Variants in OSCP1 observed in about 807,000 individuals in gnomAD.
OSCP1 encodes the protein protein OSCP1.
OSCP1 carries 35 observed loss-of-function variants against 45.1 expected under a neutral mutation model. The observed-to-expected ratio is 0.78, with a 90% CI of 0.59 to 1.03. The LOEUF is 1.03. Ranked by LOEUF, OSCP1 falls within the 50% of genes least tolerant of loss-of-function variation. The pLI is 0.00. For missense variants in OSCP1, 400 were observed against 470.7 expected, an observed-to-expected ratio of 0.85 and a Z score of 1.39; for synonymous variants, 179 against 180.1, an observed-to-expected ratio of 0.99 and a Z score of 0.05.
chr1:36,446,082 G>A (rs1649512805), intron 1 of OSCP1, among the ~76,000 whole-genome samples: 1 of 151,866 alleles, frequency 6.6e-6, no homozygotes, highest in South Asian at 2.1e-4. Flanking sequence ...GAGTGCAGTG[G>A]CGTGATCTCA....
chr1:36,447,115 G>A lies in OSCP1; in HGVS notation c.112+3143C>T, dbSNP rs1194473220. On this transcript the variant is annotated intron_variant, in intron 1 of 9. Transcript: ENST00000235532. The surrounding 1 kb of genome is among the most constrained non-coding windows in gnomAD (Gnocchi z 4.1). The stretch of plus-strand genomic sequence containing the variant: ...TATGATTTCCACTCAAAGCTTCGAA[G>A]AGGACTAGTTTACCAAGTCTAGTGT... Among the ~76,000 whole-genome samples the A allele has an allele frequency of 6.6e-6, 1 of 152,172 alleles. No homozygotes were observed. Among genetic ancestry groups the A allele is most frequent in the African/African-American group, 2.4e-5 (1 of 41,426 alleles).
At chr1:36,422,745 C>G (rs759571679) in intron 6 of OSCP1, 23 bp downstream of exon 6, 1 of 1,522,516 alleles carries the variant, frequency 6.6e-7, no homozygotes, top group South Asian at 1.3e-5. Flanking sequence ...GACTTGAATT[C>G]ACTCAGAGAA....
chr1:36,434,744 T>C (rs1165023765), intron 2 of OSCP1, among the ~76,000 whole-genome samples: 5 of 120,644 alleles, frequency 4.1e-5, no homozygotes, highest in Non-Finnish European at 6.5e-5. Context: ...AGTGAGACTT[T>C]GTCTCAAAAA....
chr1:36,422,871 C>T lies in OSCP1; in HGVS notation c.646G>A (p.Val216Met). 1 of 1,606,862 alleles carries T rather than the reference C, an allele frequency of 6.2e-7. No individual in the cohort carries two copies. Among genetic ancestry groups the T allele is most frequent in the African/African-American group, 1.3e-5 (1 of 74,770 alleles). Residue 216 changes from valine (V) to methionine (M), a missense_variant, in exon 6 of 10, where the codon GTG (valine) becomes ATG (methionine). By Grantham distance (21) the Val-to-Met change is conservative. Transcript: ENST00000235532. ...IRMFNNKGEE[V>M]KRIEFKHGGN... The stretch of plus-strand genomic sequence containing the variant: ...CCATGCTTGAATTCTATCCTCTTCA[C>T]TTCTTCACCTTTGTTGTTGAACATT...
chr1:36,430,947 G>A (rs1367220533), intron 4 of OSCP1, among the ~76,000 whole-genome samples: 6 of 152,174 alleles, frequency 3.9e-5, no homozygotes, highest in Non-Finnish European at 7.3e-5. Context: ...GAGCCACTGC[G>A]CTCCGCCGAC....
chr1:36,441,843 A>G (rs1192786258), intron 1 of OSCP1, among the ~76,000 whole-genome samples: 5 of 150,634 alleles, frequency 3.3e-5, no homozygotes, highest in African/African-American at 9.8e-5. Context: ...AGACCCGCCC[A>G]TTAGTCTAAG....
intron 8 of OSCP1, 47 bp from the exon 9 acceptor site, chr1:36,419,101 C>G: frequency 6.5e-7 from 1 of 1,531,630 alleles, no homozygotes; most frequent in Non-Finnish European, 9.0e-7. Flanking sequence ...GGGTTCTTTC[C>G]CTGCCAGCAT....
At chr1:36,429,997 C>G (rs548064765) in intron 4 of OSCP1, among the ~76,000 whole-genome samples, 29 of 152,204 alleles carry the variant, frequency 1.9e-4, no homozygotes, top group African/African-American at 6.7e-4. Flanking sequence ...CGGGGTTTCA[C>G]CATGTTGGCC....
chr1:36,428,329 C>A (rs115388124), intron 4 of OSCP1: 66 of 1,610,612 alleles, frequency 4.1e-5, no homozygotes, highest in Admixed American at 1.3e-4. Flanking sequence ...TTTATTTTGC[C>A]CAGGTACAAA....
intron 1 of OSCP1, among the ~76,000 whole-genome samples, chr1:36,445,706 T>C (rs1649479298): frequency 6.6e-6 from 1 of 151,924 alleles, no homozygotes. Context: ...CTGTGGCATT[T>C]ATTTATTTAT....
intron 2 of OSCP1, among the ~76,000 whole-genome samples, chr1:36,436,501 T>C (rs1400129233): frequency 1.3e-5 from 2 of 151,924 alleles, no homozygotes; most frequent in Non-Finnish European, 2.9e-5. Flanking sequence ...TTGGCCTCCC[T>C]AAGTGCTGGG....
At chr1:36,428,187 C>G (rs1328482731) in intron 4 of OSCP1, 1 of 785,752 alleles carries the variant, frequency 1.3e-6, no homozygotes, top group Non-Finnish European at 1.7e-6. Context: ...CAGACTGCAT[C>G]TCAAAAAAAA....
chr1:36,450,228 G>A, intron 1 of OSCP1, 30 bp downstream of exon 1: 3 of 1,577,748 alleles, frequency 1.9e-6, no homozygotes, highest in Non-Finnish European at 2.6e-6. Context: ...CTGGCTGCGG[G>A]TCTGGCTGAG....
At chr1:36,428,182 T>A in intron 4 of OSCP1, 2 of 1,133,304 alleles carry the variant, frequency 1.8e-6, no homozygotes, top group Non-Finnish European at 2.3e-6. Context: ...AGAGCCAGAC[T>A]GCATCTCAAA....
rs574806325 is a variant in OSCP1, at chr1:36,447,514, G to T, written c.112+2744C>A. Among the ~76,000 whole-genome samples, 4 of 152,148 alleles carry T rather than the reference G, an allele frequency of 2.6e-5. No homozygotes were observed. Among genetic ancestry groups the T allele is most frequent in the African/African-American group, 9.7e-5 (4 of 41,420 alleles). On this transcript the variant is annotated intron_variant, in intron 1 of 9. Coordinates refer to ENST00000235532, the MANE Select transcript of OSCP1 (RefSeq NM_145047.5). The surrounding 1 kb of genome is among the most constrained non-coding windows in gnomAD (Gnocchi z 4.1). ...CTGAGTATGAGGACATTGGTTATAT[G>T]AGGGGACATTGGTTATAGTAAGGGG... is the stretch of plus-strand genomic sequence containing the variant.
intron 1 of OSCP1, among the ~76,000 whole-genome samples, chr1:36,443,562 T>C (rs1177112327): frequency 1.3e-5 from 2 of 152,196 alleles, no homozygotes; most frequent in Non-Finnish European, 2.9e-5. Flanking sequence ...TGCAGTTACA[T>C]GCTTCAATTT....
At chr1:36,434,619 G>A (rs1384417085) in intron 2 of OSCP1, among the ~76,000 whole-genome samples, 19 of 151,960 alleles carry the variant, frequency 1.3e-4, no homozygotes, top group African/African-American at 4.1e-4. Flanking sequence ...GTGTGGTGGT[G>A]CGTGCCTGTA....
At chr1:36,419,885 C>T (rs1570496713) in intron 8 of OSCP1, among the ~76,000 whole-genome samples, 3 of 152,238 alleles carry the variant, frequency 2.0e-5, no homozygotes, top group Middle Eastern at 6.8e-3. Flanking sequence ...ATGATCACAG[C>T]TTGCTTAACC....
intron 4 of OSCP1, among the ~76,000 whole-genome samples, chr1:36,424,117 A>G (rs192419345): frequency 4.9e-4 from 74 of 152,020 alleles, no homozygotes; most frequent in African/African-American, 1.6e-3. Context: ...GCTAATTTTT[A>G]TATTTTTTTG....
Sources: gnomAD v4.1 joint callset for allele counts (sites outside exome capture counted in the v4.1 genomes callset) on GRCh38, gnomAD v4.1.1 for gene constraint, Gnocchi (gnomAD v3.1) non-coding constraint, MANE v1.5 for transcripts, NCBI Gene and HGNC (gene_info 2026-07-23, HGNC 2026-07-21) for gene names.